Variants in ENTPD5 observed in about 807,000 individuals in gnomAD.
ENTPD5 encodes nucleoside diphosphate phosphatase ENTPD5.
In ENTPD5, 49 loss-of-function variants were observed where a neutral mutation model predicts 60.2. That is an observed-to-expected ratio of 0.81 (90% CI 0.65 to 1.03). ENTPD5 has a LOEUF of 1.03. ENTPD5 is among the 50% of genes least tolerant of loss of function. The pLI is 0.00. For missense variants in ENTPD5, 480 were observed against 507.6 expected (o/e 0.95, Z 0.52); for synonymous variants, 187 against 185.4 (o/e 1.01, Z -0.07).
In ENTPD5 at chr14:73,990,194, A is replaced by G. The variant is rs373576667; in HGVS notation, c.-70-2022T>C. 2.0e-5 allele frequency among the ~76,000 whole-genome samples: 3 copies of G among 152,036 alleles called. No individual in the cohort carries two copies. In the East Asian group the frequency reaches 5.8e-4, roughly 29 times the overall value. On this transcript the variant is annotated intron_variant, in intron 3 of 15. Transcript: ENST00000334696. ...AGCAAGACCCTGTCTCTAAAAATAA[A>G]AAATAATAATTGTAGGGTGGCTCTC... is the stretch of plus-strand genomic sequence containing the variant.
chr14:73,957,867 G>A (rs986729707), downstream of ENTPD5: 31 of 414,338 alleles, frequency 7.5e-5, no homozygotes, highest in African/African-American at 6.3e-4. Context: ...GCTCATTTAA[G>A]CGTAGAGTGA....
At chr14:73,974,049 A>C in intron 11 of ENTPD5, 71 bp from the exon 12 acceptor site, 1 of 1,294,638 alleles carries the variant, frequency 7.7e-7, no homozygotes, top group South Asian at 1.2e-5. Context: ...GCAAGAAGCC[A>C]GTGAGGTGGA....
intron 15 of ENTPD5, among the ~76,000 whole-genome samples, chr14:73,969,689 A>G (rs1469942330): frequency 3.3e-5 from 5 of 151,424 alleles, no homozygotes; most frequent in Non-Finnish European, 5.9e-5. Context: ...AGGAAACAAG[A>G]GCGAGACTCC....
At chr14:73,958,366 A>G, downstream of ENTPD5, 1 of 1,597,944 alleles carries the variant, frequency 6.3e-7, no homozygotes. Context: ...TTTAAGCTAT[A>G]GTTTAATTTT....
chr14:74,005,813 A>T (rs537935402), intron 3 of ENTPD5, among the ~76,000 whole-genome samples: 1 of 152,236 alleles, frequency 6.6e-6, no homozygotes, highest in South Asian at 2.1e-4. Context: ...TTTCAAAAAA[A>T]TAAATAAAAA....
At chr14:73,990,843 A>G (rs1440972347) in intron 3 of ENTPD5, among the ~76,000 whole-genome samples, 1 of 151,818 alleles carries the variant, frequency 6.6e-6, no homozygotes, top group Non-Finnish European at 1.5e-5. Flanking sequence ...AGCATGACCA[A>G]TATGGTAAAA....
intron 3 of ENTPD5, among the ~76,000 whole-genome samples, chr14:74,000,036 C>T (rs2058458850): frequency 1.4e-5 from 2 of 148,102 alleles, no homozygotes; most frequent in Admixed American, 1.4e-4. Flanking sequence ...TGCAGTTAGC[C>T]GAGGTCGCGT....
chr14:73,961,308 C>G, downstream of ENTPD5: 1 of 1,614,196 alleles, frequency 6.2e-7, no homozygotes, highest in Non-Finnish European at 8.5e-7. Context: ...TGCCAAAAGC[C>G]GAGTTCTGTT....
intron 3 of ENTPD5, among the ~76,000 whole-genome samples, chr14:74,005,566 G>A (rs977893366): frequency 1.3e-5 from 2 of 151,928 alleles, no homozygotes; most frequent in Admixed American, 6.6e-5. Flanking sequence ...CCAGCACTTC[G>A]GGAGGCTGAG....
At chr14:73,967,131 G>A (rs988605890) in intron 15 of ENTPD5, 117 bp from the exon 16 acceptor site, 5 of 762,326 alleles carry the variant, frequency 6.6e-6, no homozygotes, top group South Asian at 3.4e-5. Flanking sequence ...AAGGCAAAAC[G>A]GACAGAAGCC....
chr14:74,014,041 C>T (rs1326648427), intron 2 of ENTPD5, among the ~76,000 whole-genome samples: 1 of 152,118 alleles, frequency 6.6e-6, no homozygotes, highest in Non-Finnish European at 1.5e-5. Context: ...AGTCACTGTG[C>T]CCAGTCCAGG....
Position 73,974,894 on chromosome 14 carries a change from TC to T in ENTPD5, c.784+29del, listed in dbSNP as rs760623106. The T allele has an allele frequency of 2.6e-4, 396 of 1,550,332 alleles. 1 individual carries two copies. The highest frequency in any genetic ancestry group is 4.7e-4 in the South Asian group (41 of 87,682). On this transcript the variant is annotated intron_variant, in intron 11 of 15. Coordinates refer to ENST00000334696, the MANE Select transcript of ENTPD5 (RefSeq NM_001249.5). ...CGGAGTATCTGTGTCACCCTCACCA[TC>T]CCCCCCCAGCACAGGTACCCAGACA...
chr14:74,014,987 C>T (rs1306874225), intron 2 of ENTPD5, among the ~76,000 whole-genome samples: 3 of 150,996 alleles, frequency 2.0e-5, no homozygotes, highest in South Asian at 2.1e-4. Flanking sequence ...GAGGCTGAGG[C>T]AGGAGAATTG....
At chr14:73,969,257 C>G (rs894746720) in intron 15 of ENTPD5, among the ~76,000 whole-genome samples, 3 of 152,200 alleles carry the variant, frequency 2.0e-5, no homozygotes, top group African/African-American at 7.2e-5. Flanking sequence ...GCAGCAGAGA[C>G]AGGCAGGACA....
At chr14:73,992,683 CAA>C (rs199594365) in intron 3 of ENTPD5, among the ~76,000 whole-genome samples, 6 of 62,770 alleles carry the variant, frequency 9.6e-5, no homozygotes, top group Admixed American at 1.6e-4. Context: ...GACTCCGTCT[CAA>C]AAAAAAAAAA....
downstream of ENTPD5, chr14:73,959,897 G>A (rs2056631509): frequency 5.8e-6 from 7 of 1,208,588 alleles, no homozygotes; most frequent in Non-Finnish European, 6.2e-6. Flanking sequence ...TCAGGAAAAA[G>A]GAGTAACCAG....
At chr14:73,996,278 C>T in intron 3 of ENTPD5, 1 of 680,526 alleles carries the variant, frequency 1.5e-6, no homozygotes, top group Non-Finnish European at 1.8e-6. Context: ...CCTTCTCTAT[C>T]CTTCCCTCCT....
chr14:73,987,955 C>T lies in ENTPD5; in HGVS notation c.148G>A (p.Gly50Arg). ...GTGCTCCCTGCATCAAACATAATTC[C>T]ATACAAGGTGCTGGCGCTGACATTG... is the stretch of plus-strand genomic sequence containing the variant. The part of the protein sequence containing the change: ...PINVSASTLY[G>R]IMFDAGSTGT... The change falls in exon 4 of 16, where the codon GGA becomes AGA. Residue 50 changes from glycine (G) to arginine (R), a missense_variant. Coordinates refer to ENST00000334696, the MANE Select transcript of ENTPD5 (RefSeq NM_001249.5). The T allele has an allele frequency of 6.2e-7, 1 of 1,614,146 alleles. No homozygotes were observed. Among genetic ancestry groups the T allele is most frequent in the Non-Finnish European group, 8.5e-7 (1 of 1,180,018 alleles).
chr14:73,985,849 G>A (rs958042669), intron 5 of ENTPD5, among the ~76,000 whole-genome samples: 5 of 151,974 alleles, frequency 3.3e-5, no homozygotes, highest in African/African-American at 9.6e-5. Flanking sequence ...TGACATGGGC[G>A]GATCACAAGG....
Sources: allele counts gnomAD v4.1 joint callset (sites outside exome capture counted in the v4.1 genomes callset), GRCh38; gene constraint gnomAD v4.1.1; transcripts MANE v1.5; gene names NCBI Gene and HGNC (gene_info 2026-07-23, HGNC 2026-07-21).